Variants in DCLRE1C observed in about 807,000 individuals in gnomAD.
The protein encoded by DCLRE1C is DNA cross-link repair 1C.
In DCLRE1C, 47 loss-of-function variants were observed where a neutral mutation model predicts 61.4. That is an observed-to-expected ratio of 0.77 (90% CI 0.61 to 0.98). The LOEUF is 0.98. Among genes scored for constraint, DCLRE1C ranks in the 50% least tolerant of loss-of-function variants. DCLRE1C has a pLI of 0.00. For missense variants in DCLRE1C, 858 were observed against 816.0 expected, an observed-to-expected ratio of 1.05 and a Z score of -0.63; for synonymous variants, 337 against 287.6, an observed-to-expected ratio of 1.17 and a Z score of -1.74.
chr10:14,897,682 A>C, exon 14 of DCLRE1C: 1 of 548,982 alleles, frequency 1.8e-6, no homozygotes, highest in South Asian at 8.9e-5. Flanking sequence ...TGGCATATTT[A>C]GAAATAAAAA....
chr10:14,925,720 C>T (rs769847265), intron 11 of DCLRE1C, among the ~76,000 whole-genome samples: 7 of 152,104 alleles, frequency 4.6e-5, no homozygotes, highest in African/African-American at 9.7e-5. Flanking sequence ...TAGGAACACT[C>T]GATAGGACTT....
At chr10:14,912,225 CT>C (rs1259390022) in intron 13 of DCLRE1C, among the ~76,000 whole-genome samples, 1 of 151,404 alleles carries the variant, frequency 6.6e-6, no homozygotes, top group African/African-American at 2.4e-5. Flanking sequence ...CTAATTTTTA[CT>C]TTTTTTTTAA....
exon 14 of DCLRE1C, chr10:14,898,209 T>G (rs1447743795): frequency 7.3e-6 from 1 of 137,030 alleles, no homozygotes; most frequent in Non-Finnish European, 1.6e-5. Context: ...TTTCTTTTTT[T>G]TTTTTTTTTT....
intron 1 of DCLRE1C, among the ~76,000 whole-genome samples, chr10:14,949,853 T>G (rs943285145): frequency 1.3e-5 from 2 of 151,780 alleles, no homozygotes; most frequent in African/African-American, 4.8e-5. Context: ...AAGACCAACC[T>G]TGCCAACATG....
intron 11 of DCLRE1C, among the ~76,000 whole-genome samples, chr10:14,925,937 A>C (rs1285516901): frequency 3.3e-5 from 5 of 152,092 alleles, no homozygotes; most frequent in Non-Finnish European, 7.4e-5. Context: ...GGGGGTGGCT[A>C]CCTCCATACT....
chr10:14,932,961 G>A lies in DCLRE1C; in HGVS notation c.679-6C>T, dbSNP rs201040496. 2.5e-5 allele frequency: 41 copies of A among 1,613,138 alleles called. No homozygotes were observed. The Admixed American group carries it at 4.0e-4, about 16-fold the overall frequency. ...TCTAGCTTATTCACATGAACCTAAG[G>A]CAAATAATACATACATGCAAATTAT... On this transcript the variant is annotated splice_polypyrimidine_tract_variant and splice_region_variant and intron_variant, in intron 8 of 13. Coordinates refer to ENST00000378278, the MANE Select transcript of DCLRE1C (RefSeq NM_001033855.3).
chr10:14,940,834 T>C, intron 3 of DCLRE1C, among the ~76,000 whole-genome samples: 1 of 152,180 alleles, frequency 6.6e-6, no homozygotes. Flanking sequence ...CTAGATTCAG[T>C]TACTGTCTTT....
At chr10:14,909,417 T>A (rs1312714367) in intron 13 of DCLRE1C, 87 bp from the exon 14 acceptor site, 1 of 1,257,204 alleles carries the variant, frequency 8.0e-7, no homozygotes, top group African/African-American at 1.5e-5. Flanking sequence ...TTCTTGGAAT[T>A]GCAAAGAATA....
chr10:14,930,267 A>G (rs1487777175), intron 9 of DCLRE1C, among the ~76,000 whole-genome samples: 1 of 127,606 alleles, frequency 7.8e-6, no homozygotes, highest in Non-Finnish European at 1.6e-5. Context: ...ATGCACCACC[A>G]CACTCAGCAC....
chr10:14,901,112 G>A, downstream of DCLRE1C: 1 of 1,612,502 alleles, frequency 6.2e-7, no homozygotes, highest in African/African-American at 1.3e-5. Context: ...TACTTAAATG[G>A]GTTCTAATGT....
chr10:14,915,077 AAAAGTC>A (rs1361001653), intron 13 of DCLRE1C, among the ~76,000 whole-genome samples: 2 of 152,342 alleles, frequency 1.3e-5, no homozygotes, highest in African/African-American at 4.8e-5. Context: ...GTCAAAGAAA[AAAAGTC>A]AAAGGAAAAA....
At chr10:14,929,544 A>G (rs563873625) in intron 9 of DCLRE1C, among the ~76,000 whole-genome samples, 98 of 152,096 alleles carry the variant, frequency 6.4e-4, no homozygotes, top group Non-Finnish European at 1.1e-3. Flanking sequence ...CAGGAGGCCG[A>G]GGCAGGAAGA....
chr10:14,918,880 T>G (rs1836640807), intron 13 of DCLRE1C, among the ~76,000 whole-genome samples: 1 of 152,214 alleles, frequency 6.6e-6, no homozygotes, highest in African/African-American at 2.4e-5. Flanking sequence ...GAGACAGGCC[T>G]AGATTAGAAT....
intron 13 of DCLRE1C, among the ~76,000 whole-genome samples, chr10:14,918,997 A>C (rs1038453884): frequency 3.3e-5 from 5 of 152,136 alleles, no homozygotes; most frequent in African/African-American, 7.2e-5. Context: ...GTTTGTTTAG[A>C]GGCTTATCTA....
In DCLRE1C at chr10:14,926,859, T is replaced by G; in HGVS notation, c.956A>C (p.His319Pro). The part of the protein sequence containing the change: ...ESSYRACFSF[H>P]SSYSEIKDFL... The stretch of plus-strand genomic sequence containing the variant: ...TCCTCTTACCTCACTGTAGGAGGAG[T>G]GAAAAGAAAAACAAGCTCTGTATGA... The change falls in exon 11 of 14, where the codon CAC becomes CCC. Residue 319 changes from histidine (H) to proline (P), a missense_variant. Coordinates refer to ENST00000378278, the MANE Select transcript of DCLRE1C (RefSeq NM_001033855.3). The G allele has an allele frequency of 1.2e-6, 2 of 1,612,170 alleles. No homozygotes were observed. The highest frequency in any genetic ancestry group is 1.7e-6 in the Non-Finnish European group (2 of 1,179,176).
downstream of DCLRE1C, among the ~76,000 whole-genome samples, chr10:14,900,473 A>T (rs1313971625): frequency 6.6e-6 from 1 of 152,160 alleles, no homozygotes; most frequent in Non-Finnish European, 1.5e-5. Context: ...ATTAGCAGAG[A>T]GCTTCTGGGC....
At chr10:14,926,207 A>G (rs1448330442) in intron 11 of DCLRE1C, among the ~76,000 whole-genome samples, 2 of 152,182 alleles carry the variant, frequency 1.3e-5, no homozygotes, top group East Asian at 3.8e-4. Context: ...AAGAAGGCAG[A>G]GCATTGCCTT....
At chr10:14,949,541 C>T (rs904873362) in intron 1 of DCLRE1C, among the ~76,000 whole-genome samples, 1 of 152,188 alleles carries the variant, frequency 6.6e-6, no homozygotes, top group Non-Finnish European at 1.5e-5. Context: ...GTAAGTGTTT[C>T]GTCATCTTCT....
chr10:14,936,864 A>C (rs1278524097), intron 4 of DCLRE1C, among the ~76,000 whole-genome samples: 1 of 152,228 alleles, frequency 6.6e-6, no homozygotes. Flanking sequence ...CTGACTGTTC[A>C]CAGCAGCATT....
Sources: allele counts gnomAD v4.1 joint callset (sites outside exome capture counted in the v4.1 genomes callset), GRCh38; gene constraint gnomAD v4.1.1; transcripts MANE v1.5; gene names NCBI Gene and HGNC (gene_info 2026-07-23, HGNC 2026-07-21).